HDAC9: variants seen among roughly 807,000 people sequenced by gnomAD.
HDAC9 encodes the protein histone deacetylase 9.
HDAC9 carries 41 observed loss-of-function variants against 139.4 expected under a neutral mutation model. The observed-to-expected ratio is 0.29, with a 90% CI of 0.23 to 0.38. HDAC9 has a LOEUF of 0.38. Among genes scored for constraint, HDAC9 ranks in the 10% least tolerant of loss-of-function variants. The pLI, the probability that HDAC9 is intolerant of heterozygous loss-of-function variation, is 1.00. For synonymous variants in HDAC9, 517 were observed against 476.2 expected (o/e 1.09, Z -1.12); for missense variants, 1,147 against 1,297.0 (o/e 0.88, Z 1.78).
At chr7:18,296,916 A>G (rs1031940056) in intron 1 of HDAC9, among the ~76,000 whole-genome samples, 2 of 152,200 alleles carry the variant, frequency 1.3e-5, no homozygotes, top group Admixed American at 6.5e-5. Context: ...CAAGAAGCAC[A>G]CAGGCTGAGA....
intron 8 of HDAC9, among the ~76,000 whole-genome samples, chr7:18,638,087 A>G (rs894933857): frequency 6.6e-6 from 1 of 152,074 alleles, no homozygotes; most frequent in Non-Finnish European, 1.5e-5. Flanking sequence ...AAATGGTTGC[A>G]TACTTTACCG....
chr7:18,854,258 A>C (rs937706837), intron 21 of HDAC9, among the ~76,000 whole-genome samples: 2 of 152,188 alleles, frequency 1.3e-5, no homozygotes, highest in Non-Finnish European at 2.9e-5. Flanking sequence ...CAAGAAAATG[A>C]AATGTAAGGG....
At chr7:18,650,743 A>G (rs1308047090) in intron 11 of HDAC9, among the ~76,000 whole-genome samples, 2 of 152,180 alleles carry the variant, frequency 1.3e-5, no homozygotes, top group Non-Finnish European at 2.9e-5. Flanking sequence ...TTTTAGGTAC[A>G]TGTTTGTACA....
chr7:18,767,722 C>A (rs1448411220), intron 16 of HDAC9, among the ~76,000 whole-genome samples: 1 of 152,120 alleles, frequency 6.6e-6, no homozygotes, highest in Non-Finnish European at 1.5e-5. Flanking sequence ...CCCAGCAACA[C>A]ATGAAGAAAA....
chr7:18,841,886 G>T (rs13230142), intron 21 of HDAC9, among the ~76,000 whole-genome samples: 1 of 151,770 alleles, frequency 6.6e-6, no homozygotes, highest in African/African-American at 2.4e-5. Flanking sequence ...TTTAATAACC[G>T]ATCTAATTAC....
At chr7:18,423,134 A>G (rs1004481713) in intron 1 of HDAC9, among the ~76,000 whole-genome samples, 2 of 152,210 alleles carry the variant, frequency 1.3e-5, no homozygotes, top group African/African-American at 4.8e-5. Flanking sequence ...TACCTAGAAC[A>G]CTATGGTTTA....
chr7:18,125,984 C>G (rs1471428095), intron 1 of HDAC9, among the ~76,000 whole-genome samples: 1 of 152,144 alleles, frequency 6.6e-6, no homozygotes, highest in Non-Finnish European at 1.5e-5. Flanking sequence ...GTTGGTCTAT[C>G]TACCTGTATG....
intron 13 of HDAC9, among the ~76,000 whole-genome samples, chr7:18,730,177 G>A (rs958552972): frequency 2.6e-5 from 4 of 152,108 alleles, no homozygotes; most frequent in African/African-American, 4.8e-5. Context: ...TACTTGATAT[G>A]TAACATTCAT....
chr7:18,990,071 G>A (rs192478765), intron 25 of HDAC9, among the ~76,000 whole-genome samples: 18,713 of 152,016 alleles, frequency 0.12, 1,219 homozygotes, highest in Middle Eastern at 0.19. Context: ...GTCATTCTCC[G>A]TCCAGCTTTG....
chr7:18,192,166 A>C (rs936693305), intron 2 of HDAC9, among the ~76,000 whole-genome samples: 3 of 152,230 alleles, frequency 2.0e-5, no homozygotes, highest in Non-Finnish European at 4.4e-5. Flanking sequence ...AGGAAAATCT[A>C]CAAGTGACGG....
chr7:18,110,228 TG>T (rs1301414146), intron 1 of HDAC9, among the ~76,000 whole-genome samples: 1 of 152,246 alleles, frequency 6.6e-6, no homozygotes, highest in Non-Finnish European at 1.5e-5. Flanking sequence ...ATTCCTACTA[TG>T]TGTTTGTCCT....
intron 22 of HDAC9, among the ~76,000 whole-genome samples, chr7:18,910,098 A>G (rs1802614869): frequency 6.6e-6 from 1 of 151,946 alleles, no homozygotes; most frequent in Admixed American, 6.6e-5. Context: ...CTCTCTTTAC[A>G]TCTTTACATT....
At chr7:18,644,610 AC>A in intron 8 of HDAC9, 60 bp from the exon 9 acceptor site, 1 of 1,469,926 alleles carries the variant, frequency 6.8e-7, no homozygotes, top group African/African-American at 1.4e-5. Flanking sequence ...TGAAATGAGA[AC>A]ATTTTACAGT....
chr7:18,172,289 G>A (rs1279940379), intron 2 of HDAC9, among the ~76,000 whole-genome samples: 1 of 152,098 alleles, frequency 6.6e-6, no homozygotes, highest in Non-Finnish European at 1.5e-5. Flanking sequence ...TGGGATCGGT[G>A]GTGATATCCC....
chr7:18,738,690 A>C (rs1199246564), intron 13 of HDAC9, among the ~76,000 whole-genome samples: 2 of 152,150 alleles, frequency 1.3e-5, no homozygotes, highest in Admixed American at 1.3e-4. Flanking sequence ...GCTGCCCTTA[A>C]CACTTTTTCC....
intron 1 of HDAC9, chr7:18,290,560 T>C (rs902102070): frequency 2.2e-5 from 10 of 456,388 alleles, no homozygotes; most frequent in Non-Finnish European, 4.0e-5. Flanking sequence ...GTGAAAAAGA[T>C]AGTGGGGTAG....
intron 1 of HDAC9, among the ~76,000 whole-genome samples, chr7:18,456,095 C>T (rs1429157319): frequency 6.6e-6 from 1 of 152,186 alleles, no homozygotes; most frequent in Admixed American, 6.5e-5. Flanking sequence ...GTCCCCAGCA[C>T]ATTTTATTTC....
Position 18,332,413 on chromosome 7 carries a change from T to A in HDAC9, c.-42+41898T>A, listed in dbSNP as rs66488351. ...TGTGTGAGAGAGAGAGAGAGAGAGA[T>A]TTTTACTTTAAAAAATTCTCATCAC... On this transcript the variant is annotated intron_variant, in intron 1 of 3. Coordinates refer to the HDAC9 transcript ENST00000413509. Among the ~76,000 whole-genome samples the A allele has an allele frequency of 7.9e-3, 783 of 98,866 alleles. 4 individuals carry two copies. The highest frequency in any genetic ancestry group is 0.024 in the African/African-American group (705 of 29,198). 64.9% of individuals were successfully genotyped at this position (98,866 alleles called of 152,430 possible). A position where few individuals can be genotyped will look rare whatever the true frequency, so the allele number is the denominator to read the frequency against.
At chr7:18,341,634 A>T (rs1194944313) in intron 1 of HDAC9, among the ~76,000 whole-genome samples, 1 of 151,674 alleles carries the variant, frequency 6.6e-6, no homozygotes, top group Admixed American at 6.6e-5. Flanking sequence ...TTTTGGACAT[A>T]GGGGATACAG....
Sources: gnomAD v4.1 joint callset for allele counts (sites outside exome capture counted in the v4.1 genomes callset) on GRCh38, gnomAD v4.1.1 for gene constraint, MANE v1.5 for transcripts, NCBI Gene and HGNC (gene_info 2026-07-23, HGNC 2026-07-21) for gene names.